Variants in DCC observed in about 807,000 individuals in gnomAD.
The protein encoded by DCC is netrin receptor DCC.
In DCC, 58 loss-of-function variants were observed where a neutral mutation model predicts 172.5. The ratio of observed to expected loss-of-function variants is 0.34; its 90% CI spans 0.27 to 0.42. The LOEUF is 0.42. DCC is among the 10% of genes least tolerant of loss of function. The pLI, the probability that DCC is intolerant of heterozygous loss-of-function variation, is 1.00. For synonymous variants in DCC, 709 were observed against 644.5 expected (o/e 1.10, Z -1.52); for missense variants, 1,740 against 1,791.0 (o/e 0.97, Z 0.51).
At chr18:53,013,923 A>G (rs1040679180) in intron 5 of DCC, among the ~76,000 whole-genome samples, 5 of 152,146 alleles carry the variant, frequency 3.3e-5, no homozygotes, top group African/African-American at 7.2e-5. Flanking sequence ...GAACACAACA[A>G]TAACCATAGA....
At chr18:52,531,801 C>T (rs1044553327) in intron 1 of DCC, among the ~76,000 whole-genome samples, 1 of 152,074 alleles carries the variant, frequency 6.6e-6, no homozygotes, top group Non-Finnish European at 1.5e-5. Flanking sequence ...TTACTTTCTC[C>T]GAGGCTGAAT....
chr18:53,112,895 T>A (rs2043353735), intron 7 of DCC, among the ~76,000 whole-genome samples: 1 of 151,556 alleles, frequency 6.6e-6, no homozygotes, highest in Non-Finnish European at 1.5e-5. Flanking sequence ...CATTAGTACT[T>A]ATAAGCCTTT....
At chr18:52,969,797 A>C (rs978146938) in intron 5 of DCC, among the ~76,000 whole-genome samples, 8 of 152,246 alleles carry the variant, frequency 5.3e-5, no homozygotes, top group Non-Finnish European at 4.4e-5. Flanking sequence ...GATCCCTGCC[A>C]GCCTTCCTAG....
chr18:53,157,608 T>G (rs1316430037), intron 8 of DCC, 96 bp downstream of exon 8: 1 of 1,282,776 alleles, frequency 7.8e-7, no homozygotes, highest in Admixed American at 1.9e-5. Flanking sequence ...GCAGGAACTT[T>G]GGAGAGGCTG....
intron 1 of DCC, among the ~76,000 whole-genome samples, chr18:52,664,470 CTTTTTCT>C (rs1286166352): frequency 1.0e-5 from 1 of 99,800 alleles, no homozygotes; most frequent in African/African-American, 4.1e-5. Context: ...TTTTCTTTTT[CTTTTTCT>C]TTTTTTTTTT....
chr18:52,958,028 G>C (rs910580524), intron 5 of DCC, among the ~76,000 whole-genome samples: 1 of 152,102 alleles, frequency 6.6e-6, no homozygotes, highest in East Asian at 1.9e-4. Flanking sequence ...ATAATCTCCT[G>C]AATTAGAACA....
intron 5 of DCC, among the ~76,000 whole-genome samples, chr18:52,993,120 T>G (rs1054512950): frequency 4.6e-5 from 7 of 152,172 alleles, no homozygotes; most frequent in African/African-American, 1.7e-4. Flanking sequence ...AAAGGTAAGT[T>G]AAATAAAGTT....
At chr18:52,848,081 A>AT (rs2038922470) in intron 2 of DCC, among the ~76,000 whole-genome samples, 1 of 122,444 alleles carries the variant, frequency 8.2e-6, no homozygotes, top group Non-Finnish European at 1.7e-5. Flanking sequence ...TGACTTTTCT[A>AT]ATTTTTTTTT....
intron 12 of DCC, 116 bp from the exon 13 acceptor site, chr18:53,305,462 C>T (rs762770884): frequency 4.1e-5 from 34 of 826,022 alleles, no homozygotes; most frequent in African/African-American, 1.9e-4. Context: ...AAGTGGCAAT[C>T]GCTAACACTT....
rs183698080 is a variant in DCC, at chr18:53,056,384, G to A, written c.986-6921G>A. On this transcript the variant is annotated intron_variant, in intron 5 of 28. Coordinates refer to ENST00000442544, the MANE Select transcript of DCC (RefSeq NM_005215.4). ...GATTACAATTCGAGATGAGATTTGG[G>A]TGGGCACACAGAGCTAAACCACACC... 3.3e-5 allele frequency among the ~76,000 whole-genome samples: 5 copies of A among 152,194 alleles called. No individual in the cohort carries two copies. The East Asian group carries it at 9.7e-4, about 30-fold the overall frequency.
intron 1 of DCC, among the ~76,000 whole-genome samples, chr18:52,532,458 A>G (rs908426064): frequency 2.6e-5 from 4 of 152,148 alleles, no homozygotes; most frequent in African/African-American, 9.7e-5. Context: ...CAAAGTACAA[A>G]ATAATATTAA....
chr18:53,075,706 T>C (rs1460243027), intron 7 of DCC, among the ~76,000 whole-genome samples: 3 of 152,204 alleles, frequency 2.0e-5, no homozygotes, highest in African/African-American at 7.2e-5. Flanking sequence ...ACACAAAACA[T>C]ACATACATAT....
chr18:52,722,184 G>T (rs1394885194), intron 1 of DCC, among the ~76,000 whole-genome samples: 1 of 152,128 alleles, frequency 6.6e-6, no homozygotes, highest in East Asian at 1.9e-4. Flanking sequence ...TCCACTTCCA[G>T]TCTACTCCCC....
chr18:52,347,826 T>A (rs1983944892), intron 1 of DCC, among the ~76,000 whole-genome samples: 1 of 152,188 alleles, frequency 6.6e-6, no homozygotes, highest in South Asian at 2.1e-4. Context: ...TCAACTCTAG[T>A]TATTAGTTTC....
intron 12 of DCC, among the ~76,000 whole-genome samples, chr18:53,215,950 A>T (rs2055840130): frequency 2.6e-5 from 4 of 152,226 alleles, no homozygotes; most frequent in Admixed American, 2.6e-4. Context: ...CTAGATGAGG[A>T]AATTGAAATA....
chr18:52,429,209 T>G (rs1987540346), intron 1 of DCC, among the ~76,000 whole-genome samples: 1 of 152,076 alleles, frequency 6.6e-6, no homozygotes, highest in Non-Finnish European at 1.5e-5. Context: ...TCTCATTTAG[T>G]CTACTCATCA....
At chr18:53,210,383 G>A (rs1178051482) in intron 11 of DCC, among the ~76,000 whole-genome samples, 3 of 152,148 alleles carry the variant, frequency 2.0e-5, no homozygotes, top group Non-Finnish European at 4.4e-5. Context: ...GCTGATCTGT[G>A]TAAACATCTA....
chr18:52,849,141 A>G (rs995466134), intron 2 of DCC, among the ~76,000 whole-genome samples: 3 of 152,050 alleles, frequency 2.0e-5, no homozygotes, highest in Non-Finnish European at 4.4e-5. Flanking sequence ...AAACAGATTC[A>G]CTAAGTTGAA....
intron 1 of DCC, among the ~76,000 whole-genome samples, chr18:52,403,832 T>G (rs1036629808): frequency 2.0e-5 from 3 of 152,088 alleles, no homozygotes; most frequent in Non-Finnish European, 4.4e-5. Context: ...GCCCTAGTGC[T>G]CTTAAAAGCA....
Sources: allele counts gnomAD v4.1 joint callset (sites outside exome capture counted in the v4.1 genomes callset), GRCh38; gene constraint gnomAD v4.1.1; transcripts MANE v1.5; gene names NCBI Gene and HGNC (gene_info 2026-07-23, HGNC 2026-07-21).